The following ASB5 variants were observed in gnomAD, a reference collection of about 807,000 sequenced individuals.
ASB5 encodes the protein ankyrin repeat and SOCS box containing 5.
ASB5 carries 45 observed loss-of-function variants against 42.1 expected under a neutral mutation model. That is an observed-to-expected ratio of 1.07 (90% CI 0.84 to 1.37). The LOEUF (loss-of-function observed/expected upper bound fraction) is 1.37. Ranked by LOEUF, ASB5 falls within the 40% of genes most tolerant of loss-of-function variation. The pLI is 0.00. For synonymous variants in ASB5, 147 were observed against 150.6 expected, an observed-to-expected ratio of 0.98 and a Z score of 0.18; for missense variants, 402 against 399.8, an observed-to-expected ratio of 1.01 and a Z score of -0.05.
Position 176,268,930 on chromosome 4 carries a change from C to A in ASB5, c.179G>T (p.Gly60Val). 1.2e-6 allele frequency: 2 copies of A among 1,611,722 alleles called. No individual in the cohort carries two copies. Among genetic ancestry groups the A allele is most frequent in the Non-Finnish European group, 1.7e-6 (2 of 1,178,922 alleles). The change falls in exon 1 of 7, where the codon GGA becomes GTA. Residue 60 changes from glycine (G) to valine (V), a missense_variant. Coordinates refer to ENST00000296525, the MANE Select transcript of ASB5 (RefSeq NM_080874.4). ...AAACATACCTTGTCCTTGGGTTACT[C>A]CATAAAATTCAGCTGCTATCCTTGC... is the stretch of plus-strand genomic sequence containing the variant. Reference protein sequence around the residue: ...EAARIAAEFYGVTQGQGSWAD... With the variant: ...EAARIAAEFYVVTQGQGSWAD...
intron 3 of ASB5, 127 bp from the exon 4 acceptor site, chr4:176,221,727 A>G (rs1183002069): frequency 2.3e-6 from 2 of 875,126 alleles, no homozygotes; most frequent in African/African-American, 3.4e-5. Flanking sequence ...ATTAAATATG[A>G]CAAAGTATAC....
At chr4:176,273,511 C>T (rs1200682945), upstream of ASB5, among the ~76,000 whole-genome samples, 1 of 152,058 alleles carries the variant, frequency 6.6e-6, no homozygotes, top group Non-Finnish European at 1.5e-5. Flanking sequence ...TGGTCTCTTG[C>T]CATACTACCA....
chr4:176,224,334 A>C (rs111490381), intron 2 of ASB5, among the ~76,000 whole-genome samples: 42 of 137,792 alleles, frequency 3.0e-4, no homozygotes, highest in African/African-American at 1.1e-3. Context: ...TCCCAGGTTC[A>C]ATTGATTCTC....
intron 1 of ASB5, among the ~76,000 whole-genome samples, chr4:176,244,739 C>T (rs1753875936): frequency 6.6e-6 from 1 of 151,942 alleles, no homozygotes; most frequent in Admixed American, 6.6e-5. Context: ...ATAGCAAGAC[C>T]CCCATCTCTA....
chr4:176,223,805 G>C (rs895667849), intron 2 of ASB5, among the ~76,000 whole-genome samples: 2 of 152,188 alleles, frequency 1.3e-5, no homozygotes, highest in Non-Finnish European at 2.9e-5. Flanking sequence ...AGCCTCTCAT[G>C]ATTCTTGGCT....
At chr4:176,264,041 CA>C (rs5864369) in intron 1 of ASB5, among the ~76,000 whole-genome samples, 64,745 of 132,602 alleles carry the variant, frequency 0.49, 13,960 homozygotes, top group East Asian at 0.59. Context: ...ACAGACTTGA[CA>C]AAAAAAAAAA....
intron 1 of ASB5, chr4:176,237,472 C>A: frequency 1.0e-6 from 1 of 985,874 alleles, no homozygotes; most frequent in Non-Finnish European, 1.2e-6. Flanking sequence ...TGCAAATGCT[C>A]TAGCAAGAAG....
intron 1 of ASB5, among the ~76,000 whole-genome samples, chr4:176,233,847 C>T (rs531715869): frequency 6.6e-6 from 1 of 152,154 alleles, no homozygotes; most frequent in Non-Finnish European, 1.5e-5. Context: ...GGTAATACAA[C>T]TTAACATGTC....
At chr4:176,256,119 T>C (rs1754151415) in intron 1 of ASB5, among the ~76,000 whole-genome samples, 1 of 152,182 alleles carries the variant, frequency 6.6e-6, no homozygotes, top group Non-Finnish European at 1.5e-5. Context: ...ATATTCCATT[T>C]TGAGAGAGTT....
chr4:176,235,372 C>A (rs190738780), intron 1 of ASB5, among the ~76,000 whole-genome samples: 45 of 152,254 alleles, frequency 3.0e-4, no homozygotes, highest in Admixed American at 2.8e-3. Context: ...TAGGGTGTAT[C>A]TTTCCAACTT....
Position 176,254,926 on chromosome 4 carries a change from T to G in ASB5, c.196+13987A>C, listed in dbSNP as rs546265071. Among the ~76,000 whole-genome samples, 52 of 152,124 alleles carry G rather than the reference T, an allele frequency of 3.4e-4. 1 individual carries two copies. The highest frequency in any genetic ancestry group is 6.5e-4 in the Admixed American group (10 of 15,270). On this transcript the variant is annotated intron_variant, in intron 1 of 6. Coordinates refer to ENST00000296525, the MANE Select transcript of ASB5 (RefSeq NM_080874.4). ...GCGAGTGGATCACGAGGTCAGGCGT[T>G]TGAGACCAGCCTGACCAACATGGTG... is the stretch of plus-strand genomic sequence containing the variant.
chr4:176,247,414 G>C (rs1048024169), intron 1 of ASB5, among the ~76,000 whole-genome samples: 2 of 152,194 alleles, frequency 1.3e-5, no homozygotes, highest in Non-Finnish European at 2.9e-5. Context: ...GAATGTGGGA[G>C]ATCTTGTTCT....
intron 1 of ASB5, among the ~76,000 whole-genome samples, chr4:176,243,795 C>T (rs1015489818): frequency 2.6e-5 from 4 of 152,172 alleles, no homozygotes; most frequent in South Asian, 2.1e-4. Flanking sequence ...TGAGCCACTA[C>T]GCAGGCAATT....
rs1284521800 is a variant in ASB5, at chr4:176,214,969, C to T, written c.*631G>A. 7.1e-6 allele frequency: 1 copy of T among 140,794 alleles called. No homozygotes were observed. The highest frequency in any genetic ancestry group is 1.5e-5 in the Non-Finnish European group (1 of 66,900). The allele number at this position is 140,794 out of a possible 1,614,324, so 8.7% of individuals were successfully genotyped here. On this transcript the variant is annotated 3_prime_UTR_variant, in exon 7 of 7. Coordinates refer to ENST00000296525, the MANE Select transcript of ASB5 (RefSeq NM_080874.4). The stretch of plus-strand genomic sequence containing the variant: ...GCAGTATTGACCTTTCATCCTATCA[C>T]TTTTCTGTAACAAGTCCATGTACTA...
Position 176,218,319 on chromosome 4 carries a change from T to C in ASB5, c.671-1310A>G, listed in dbSNP as rs1472588336. Among the ~76,000 whole-genome samples the C allele has an allele frequency of 2.3e-5, 2 of 85,472 alleles. 1 individual carries two copies. The highest frequency in any genetic ancestry group is 9.2e-5 in the African/African-American group (2 of 21,658). The allele number at this position is 85,472 out of a possible 152,430, so 56.1% of individuals were successfully genotyped here. On this transcript the variant is annotated intron_variant, in intron 5 of 6. Coordinates refer to ENST00000296525, the MANE Select transcript of ASB5 (RefSeq NM_080874.4). ...TATGATATATAAATATATATATTTG[T>C]ATGATATATATATTTGTATGATATA...
intron 1 of ASB5, among the ~76,000 whole-genome samples, chr4:176,232,833 C>T (rs1753583959): frequency 6.6e-6 from 1 of 152,212 alleles, no homozygotes; most frequent in Non-Finnish European, 1.5e-5. Context: ...TTCCCTCCAT[C>T]ACCTGGTAAT....
At chr4:176,259,834 C>T (rs990049888) in intron 1 of ASB5, among the ~76,000 whole-genome samples, 1 of 152,154 alleles carries the variant, frequency 6.6e-6, no homozygotes, top group African/African-American at 2.4e-5. Flanking sequence ...GACTATAAGC[C>T]TTCTGGAAAG....
chr4:176,249,130 C>T (rs1753968938), intron 1 of ASB5, among the ~76,000 whole-genome samples: 1 of 152,302 alleles, frequency 6.6e-6, no homozygotes, highest in South Asian at 2.1e-4. Context: ...CCACACCCGA[C>T]TAATTTTTGT....
chr4:176,276,912 G>A (rs1276019912), intron 1 of ASB5, among the ~76,000 whole-genome samples: 2 of 152,148 alleles, frequency 1.3e-5, no homozygotes, highest in Admixed American at 1.3e-4. Flanking sequence ...CTGACATGCT[G>A]TATGTCCCAG....
Sources: gnomAD v4.1 joint callset for allele counts (sites outside exome capture counted in the v4.1 genomes callset) on GRCh38, gnomAD v4.1.1 for gene constraint, MANE v1.5 for transcripts, NCBI Gene and HGNC (gene_info 2026-07-23, HGNC 2026-07-21) for gene names.